The following NAA11 variants were observed in gnomAD, a reference collection of about 807,000 sequenced individuals.
NAA11 encodes the protein N-alpha-acetyltransferase 11, NatA catalytic subunit, also known as N-alpha-acetyltransferase 11.
Under a neutral mutation model 16.1 loss-of-function variants are expected in NAA11, and 15 were observed. The observed-to-expected ratio is 0.93, with a 90% confidence interval of 0.62 to 1.44. The LOEUF is 1.44. NAA11 is among the 40% of genes most tolerant of loss of function. The pLI is 0.00. For missense variants in NAA11, 298 were observed against 291.3 expected (o/e 1.02, Z -0.17); for synonymous variants, 122 against 112.4 (o/e 1.09, Z -0.54).
At chr4:79,220,424 T>C in the NAA11 span, among the ~76,000 whole-genome samples, 1 of 142,620 alleles carries the variant, frequency 7.0e-6, no homozygotes, top group Non-Finnish European at 1.5e-5. Flanking sequence ...TAGGTTTGTG[T>C]GCGTGTGTGT....
intron 2 of NAA11, among the ~76,000 whole-genome samples, chr4:79,248,341 C>T (rs969110198): frequency 4.6e-5 from 7 of 152,246 alleles, no homozygotes; most frequent in Middle Eastern, 3.4e-3. Flanking sequence ...TAACCAACCC[C>T]CACAATCGTT....
At chr4:79,207,367 TAAAAAAAAAA>T in the NAA11 span, among the ~76,000 whole-genome samples, 2 of 115,918 alleles carry the variant, frequency 1.7e-5, no homozygotes, top group African/African-American at 6.5e-5. Context: ...TGAATGAGGT[TAAAAAAAAAA>T]AAAAAAAAAA....
At chr4:79,184,587 T>G in the NAA11 span, among the ~76,000 whole-genome samples, 1 of 152,158 alleles carries the variant, frequency 6.6e-6, no homozygotes, top group Non-Finnish European at 1.5e-5. Context: ...GTAGAGGTTG[T>G]TTTCTTTGAG....
intron 2 of NAA11, among the ~76,000 whole-genome samples, chr4:79,237,491 T>C (rs1441178230): frequency 6.6e-6 from 1 of 152,186 alleles, no homozygotes; most frequent in Non-Finnish European, 1.5e-5. Flanking sequence ...AAAGCTTTAT[T>C]GAAGTATAAT....
intron 1 of NAA11, among the ~76,000 whole-genome samples, chr4:79,302,471 C>T (rs1040127594): frequency 2.0e-5 from 3 of 152,162 alleles, no homozygotes; most frequent in African/African-American, 7.2e-5. Flanking sequence ...TAATATTAAT[C>T]TGACAAATTT....
chr4:79,285,503 T>A (rs552961894), intron 2 of NAA11, among the ~76,000 whole-genome samples: 1 of 152,240 alleles, frequency 6.6e-6, no homozygotes, highest in African/African-American at 2.4e-5. Context: ...CTTCTGAAAT[T>A]CAATTGCAAG....
chr4:79,257,381 G>A (rs1404438438), intron 2 of NAA11, among the ~76,000 whole-genome samples: 1 of 152,076 alleles, frequency 6.6e-6, no homozygotes, highest in African/African-American at 2.4e-5. Flanking sequence ...GCAGTATGAA[G>A]TTTTAAAGTG....
chr4:79,264,046 C>A (rs1338693594), intron 2 of NAA11, among the ~76,000 whole-genome samples: 1 of 152,144 alleles, frequency 6.6e-6, no homozygotes, highest in Non-Finnish European at 1.5e-5. Flanking sequence ...TGTGCCCAGC[C>A]TTGCCCTCCC....
At chr4:79,248,869 C>T (rs541738307) in intron 2 of NAA11, among the ~76,000 whole-genome samples, 8 of 152,280 alleles carry the variant, frequency 5.3e-5, no homozygotes, top group South Asian at 2.1e-4. Flanking sequence ...GCATGCACTC[C>T]GCCATGCTGC....
chr4:79,223,849 T>C (rs946288598), downstream of NAA11, among the ~76,000 whole-genome samples: 13 of 152,016 alleles, frequency 8.6e-5, no homozygotes, highest in Non-Finnish European at 1.8e-4. Flanking sequence ...TATCTAAATA[T>C]ATGTTTTGTG....
At chr4:79,215,869 C>T in the NAA11 span, among the ~76,000 whole-genome samples, 1 of 152,038 alleles carries the variant, frequency 6.6e-6, no homozygotes, top group Non-Finnish European at 1.5e-5. Flanking sequence ...AAATACCTGG[C>T]AAAGAATGAG....
intron 1 of NAA11, among the ~76,000 whole-genome samples, chr4:79,298,575 G>T (rs1004998213): frequency 6.6e-6 from 1 of 152,236 alleles, no homozygotes; most frequent in African/African-American, 2.4e-5. Flanking sequence ...CCCAGTGCCA[G>T]CACCTGGAGT....
chr4:79,169,108 A>G, the NAA11 span, among the ~76,000 whole-genome samples: 4 of 152,216 alleles, frequency 2.6e-5, no homozygotes, highest in Non-Finnish European at 1.5e-5. Flanking sequence ...ATAAGAGAGG[A>G]CATAAACAAA....
downstream of NAA11, among the ~76,000 whole-genome samples, chr4:79,222,781 C>A (rs1291424808): frequency 6.6e-5 from 10 of 151,736 alleles, no homozygotes; most frequent in Non-Finnish European, 1.5e-4. Flanking sequence ...CTACAATGAA[C>A]TCAAACAAAT....
rs142142510 is a variant in NAA11, at chr4:79,288,143, C to G, written c.*122+5862G>C. Among the ~76,000 whole-genome samples the G allele has an allele frequency of 3.7e-4, 57 of 152,268 alleles. 1 individual carries two copies. The East Asian group carries it at 0.01, about 27-fold the overall frequency. ...AAGATTCTCTTTCTTCTCTTAGTAG[C>G]TTTCGATAGGTCAGCAAATCAGAAT... On this transcript the variant is annotated intron_variant and NMD_transcript_variant, in intron 2 of 2. Coordinates refer to the NAA11 transcript ENST00000511542.
chr4:79,245,195 G>C (rs891321749), intron 2 of NAA11: 3 of 159,094 alleles, frequency 1.9e-5, no homozygotes, highest in African/African-American at 7.3e-5. Flanking sequence ...ATCTCTGCCT[G>C]GCCGCCCATC....
At chr4:79,169,005 A>G in the NAA11 span, among the ~76,000 whole-genome samples, 1 of 152,200 alleles carries the variant, frequency 6.6e-6, no homozygotes, top group Non-Finnish European at 1.5e-5. Flanking sequence ...CCCATTCACA[A>G]TTGCTACAAA....
intron 1 of NAA11, among the ~76,000 whole-genome samples, chr4:79,303,074 T>TAGATATATATATA (rs1560462860): frequency 1.4e-5 from 1 of 72,282 alleles, no homozygotes; most frequent in African/African-American, 7.4e-5. Context: ...TCTTGAGGCC[T>TAGATATATATATA]TTTATATATA....
intron 2 of NAA11, among the ~76,000 whole-genome samples, chr4:79,251,326 C>G (rs1188472909): frequency 1.3e-5 from 2 of 152,130 alleles, no homozygotes; most frequent in African/African-American, 4.8e-5. Flanking sequence ...TTCTTTGCAG[C>G]AACAGGGATG....
Sources: gnomAD v4.1 joint callset for allele counts (sites outside exome capture counted in the v4.1 genomes callset) on GRCh38, gnomAD v4.1.1 for gene constraint, MANE v1.5 for transcripts, NCBI Gene and HGNC (gene_info 2026-07-23, HGNC 2026-07-21) for gene names.